The following SCAPER variants were observed in gnomAD, a reference collection of about 807,000 sequenced individuals.
SCAPER encodes the protein S-phase cyclin A associated protein in the ER, also known as S phase cyclin A-associated protein in the endoplasmic reticulum.
Under a neutral mutation model 182.2 loss-of-function variants are expected in SCAPER, and 98 were observed. The observed-to-expected ratio is 0.54, with a 90% confidence interval of 0.46 to 0.64. The LOEUF (loss-of-function observed/expected upper bound fraction) is 0.64. SCAPER is among the 30% of genes least tolerant of loss of function. The pLI is 0.00. For missense variants in SCAPER, 1,432 were observed against 1,690.0 expected (o/e 0.85, Z 2.68); for synonymous variants, 605 against 564.6 (o/e 1.07, Z -1.01).
intron 17 of SCAPER, among the ~76,000 whole-genome samples, chr15:76,707,106 G>A (rs144698562): frequency 4.6e-5 from 7 of 151,942 alleles, no homozygotes; most frequent in East Asian, 1.9e-4. Flanking sequence ...ATAGTAAGTC[G>A]ATGAATACTA....
At chr15:76,472,386 G>C (rs1211177769) in intron 24 of SCAPER, 1 of 706,176 alleles carries the variant, frequency 1.4e-6, no homozygotes, top group Non-Finnish European at 2.6e-6. Context: ...CATTTTTGGT[G>C]ACTGTGTACT....
chr15:76,608,824 A>C (rs2145904561), intron 22 of SCAPER, among the ~76,000 whole-genome samples: 1 of 152,322 alleles, frequency 6.6e-6, no homozygotes, highest in South Asian at 2.1e-4. Context: ...CCTCTGAGCC[A>C]GGTGAGGGAT....
intron 1 of SCAPER, among the ~76,000 whole-genome samples, chr15:76,898,883 G>A (rs2074581302): frequency 6.6e-6 from 1 of 152,162 alleles, no homozygotes; most frequent in Non-Finnish European, 1.5e-5. Context: ...TCATTGAAGT[G>A]TACATTTTAA....
At chr15:76,591,785 C>T (rs912398113) in intron 22 of SCAPER, among the ~76,000 whole-genome samples, 3 of 152,112 alleles carry the variant, frequency 2.0e-5, no homozygotes, top group Admixed American at 6.5e-5. Context: ...TAGGCTGGGC[C>T]GCAGTGGCAC....
intron 17 of SCAPER, among the ~76,000 whole-genome samples, chr15:76,713,270 C>T (rs71405223): frequency 0.38 from 57,719 of 151,644 alleles, 13,033 homozygotes; most frequent in Middle Eastern, 0.52. Context: ...CCAGCCATCC[C>T]ATTACTGAGT....
intron 27 of SCAPER, among the ~76,000 whole-genome samples, chr15:76,386,532 A>T (rs1261118144): frequency 6.6e-6 from 1 of 152,208 alleles, no homozygotes; most frequent in Non-Finnish European, 1.5e-5. Flanking sequence ...ACAGAGGAGC[A>T]AGGGACATGG....
chr15:76,763,228 G>T (rs1295729610), intron 14 of SCAPER, among the ~76,000 whole-genome samples: 2 of 151,352 alleles, frequency 1.3e-5, no homozygotes, highest in Non-Finnish European at 2.9e-5. Flanking sequence ...GCTTTCCAGG[G>T]TATAGTAATC....
chr15:76,369,036 A>C (rs931350418), intron 29 of SCAPER, among the ~76,000 whole-genome samples: 2 of 152,222 alleles, frequency 1.3e-5, no homozygotes, highest in Non-Finnish European at 2.9e-5. Flanking sequence ...TAGGAAACAG[A>C]AGATTCATTC....
chr15:76,571,041 G>A (rs1435449545), intron 23 of SCAPER, among the ~76,000 whole-genome samples: 3 of 151,894 alleles, frequency 2.0e-5, no homozygotes, highest in South Asian at 2.1e-4. Context: ...AAGGAAAATC[G>A]GAAAAATCTC....
chr15:76,792,600 T>C (rs1473050936), intron 8 of SCAPER, among the ~76,000 whole-genome samples: 6 of 152,234 alleles, frequency 3.9e-5, no homozygotes, highest in Non-Finnish European at 8.8e-5. Flanking sequence ...GCAGCTTTCA[T>C]TCTCTCCTTG....
intron 5 of SCAPER, among the ~76,000 whole-genome samples, chr15:76,812,178 G>C (rs1407716533): frequency 6.6e-6 from 1 of 151,858 alleles, no homozygotes; most frequent in Non-Finnish European, 1.5e-5. Flanking sequence ...GCCAGGTGTG[G>C]TGGCAGGTAC....
intron 21 of SCAPER, among the ~76,000 whole-genome samples, chr15:76,635,060 TTTCTAATATTAAACACTGA>T (rs1326542195): frequency 6.6e-6 from 1 of 152,106 alleles, no homozygotes; most frequent in Non-Finnish European, 1.5e-5. Flanking sequence ...GACTGAAACG[TTTCTAATATTAAACACTGA>T]AATAAATCTG....
At chr15:76,504,519 T>C (rs2041414297) in intron 24 of SCAPER, among the ~76,000 whole-genome samples, 1 of 152,232 alleles carries the variant, frequency 6.6e-6, no homozygotes, top group African/African-American at 2.4e-5. Flanking sequence ...ACCTCTTTTT[T>C]CACATGTAAC....
chr15:76,814,057 A>T (rs916198873), intron 5 of SCAPER, among the ~76,000 whole-genome samples: 4 of 151,926 alleles, frequency 2.6e-5, no homozygotes, highest in Non-Finnish European at 5.9e-5. Context: ...AATCCCACAT[A>T]CCCGGGAGGC....
intron 2 of SCAPER, among the ~76,000 whole-genome samples, chr15:76,870,433 G>GA (rs1217130172): frequency 2.0e-5 from 3 of 149,780 alleles, no homozygotes; most frequent in Admixed American, 1.3e-4. Flanking sequence ...TAAAAACCAA[G>GA]AAAAAATATA....
intron 20 of SCAPER, among the ~76,000 whole-genome samples, chr15:76,682,592 A>G (rs1322527539): frequency 1.3e-5 from 2 of 152,206 alleles, no homozygotes; most frequent in Non-Finnish European, 2.9e-5. Flanking sequence ...TTGCTGACAC[A>G]TACAAGTGAG....
chr15:76,476,961 T>C (rs1173060795), intron 24 of SCAPER, among the ~76,000 whole-genome samples: 1 of 152,120 alleles, frequency 6.6e-6, no homozygotes, highest in Non-Finnish European at 1.5e-5. Flanking sequence ...TTGCAAGCCA[T>C]GGTGTTAATG....
At chr15:76,388,959 CA>C (rs11378514) in intron 27 of SCAPER, among the ~76,000 whole-genome samples, 32 of 145,620 alleles carry the variant, frequency 2.2e-4, no homozygotes, top group African/African-American at 5.3e-4. Flanking sequence ...GACTCCATCT[CA>C]AAAAAAAAAA....
chr15:76,652,369 CACATAT>C (rs1252135715), intron 21 of SCAPER, among the ~76,000 whole-genome samples: 5 of 13,700 alleles, frequency 3.6e-4, no homozygotes, highest in South Asian at 4.5e-3. Flanking sequence ...CACACACACA[CACATAT>C]ATATATATAT....
Sources: allele counts gnomAD v4.1 joint callset (sites outside exome capture counted in the v4.1 genomes callset), GRCh38; gene constraint gnomAD v4.1.1; transcripts MANE v1.5; gene names NCBI Gene and HGNC (gene_info 2026-07-23, HGNC 2026-07-21).